CEP63: variants seen among roughly 807,000 people sequenced by gnomAD.
CEP63 encodes centrosomal protein of 63 kDa.
Under a neutral mutation model 89.1 loss-of-function variants are expected in CEP63, and 84 were observed. That is an observed-to-expected ratio of 0.94 (90% CI 0.79 to 1.13). The LOEUF (loss-of-function observed/expected upper bound fraction) is 1.13. CEP63 is among the 50% of genes most tolerant of loss of function. CEP63 has a pLI of 0.00. For missense variants in CEP63, 838 were observed against 813.3 expected (o/e 1.03, Z -0.37); for synonymous variants, 267 against 272.5 (o/e 0.98, Z 0.20).
the CEP63 span, among the ~76,000 whole-genome samples, chr3:134,756,811 G>A: frequency 6.6e-6 from 1 of 152,336 alleles, no homozygotes; most frequent in African/African-American, 2.4e-5. Context: ...ACCTGAAGAA[G>A]AGGAGACTCC....
At position 134,564,870 on chromosome 3, in the gene CEP63, A is replaced by T. The variant is rs2110235412; in HGVS notation, c.*3335A>T. On this transcript the variant is annotated 3_prime_UTR_variant, in exon 15 of 15. Coordinates refer to ENST00000675561, the MANE Select transcript of CEP63 (RefSeq NM_001353108.3). Reference sequence around the variant, plus strand: ...CACCGGAAATACTTAAGGAATCATGAGGTACTATGTATTTCCTTAAATTAT... The same window carrying T: ...CACCGGAAATACTTAAGGAATCATGTGGTACTATGTATTTCCTTAAATTAT... 2 of 985,208 alleles carry T rather than the reference A, an allele frequency of 2.0e-6. No homozygotes were observed. Among genetic ancestry groups the T allele is most frequent in the South Asian group, 4.7e-5 (1 of 21,280 alleles). The allele number at this position is 985,208 out of a possible 1,614,324, so 61.0% of individuals were successfully genotyped here.
At chr3:134,670,650 G>T in the CEP63 span, among the ~76,000 whole-genome samples, 1 of 152,214 alleles carries the variant, frequency 6.6e-6, no homozygotes, top group African/African-American at 2.4e-5. Flanking sequence ...AACTGTTACC[G>T]TAATTTTGGA....
the CEP63 span, chr3:134,619,373 G>C: frequency 1.2e-6 from 1 of 812,192 alleles, no homozygotes; most frequent in East Asian, 2.5e-5. Flanking sequence ...GGAAACTACA[G>C]TGGGCTGAAT....
At chr3:134,673,053 C>T in the CEP63 span, among the ~76,000 whole-genome samples, 8,893 of 152,198 alleles carry the variant, frequency 0.058, 811 homozygotes, top group African/African-American at 0.2. Flanking sequence ...TCCACCCCTC[C>T]GTGAAAACTC....
chr3:134,516,503 G>A (rs57509136), intron 3 of CEP63, among the ~76,000 whole-genome samples: 2,597 of 152,218 alleles, frequency 0.017, 65 homozygotes, highest in African/African-American at 0.058. Flanking sequence ...GCTGGGGGAC[G>A]GTCAGGTCTT....
chr3:134,621,721 T>C, the CEP63 span, among the ~76,000 whole-genome samples: 1 of 152,152 alleles, frequency 6.6e-6, no homozygotes, highest in Non-Finnish European at 1.5e-5. Flanking sequence ...TAAAAGGGCA[T>C]TCGTGAAAAT....
the CEP63 span, among the ~76,000 whole-genome samples, chr3:134,701,161 A>G: frequency 6.7e-6 from 1 of 150,062 alleles, no homozygotes; most frequent in Non-Finnish European, 1.5e-5. Context: ...TACATACATT[A>G]TATACATACA....
the CEP63 span, among the ~76,000 whole-genome samples, chr3:134,774,776 A>C: frequency 1.8e-4 from 27 of 152,204 alleles, no homozygotes; most frequent in African/African-American, 5.8e-4. Flanking sequence ...ACAGACAGAA[A>C]TTTGGGGCTA....
intron 11 of CEP63, among the ~76,000 whole-genome samples, chr3:134,571,354 A>T (rs561134995): frequency 1.3e-5 from 2 of 152,148 alleles, no homozygotes; most frequent in Non-Finnish European, 2.9e-5. Flanking sequence ...TGAGGAGCCT[A>T]TGGACCCCTC....
the CEP63 span, chr3:134,643,351 T>G: frequency 3.1e-6 from 5 of 1,613,858 alleles, no homozygotes; most frequent in South Asian, 5.5e-5. Context: ...CTGGGGCTGC[T>G]GAGGGTGCTG....
At chr3:134,553,159 T>C (rs1483681490) in intron 12 of CEP63, 1 of 152,206 alleles carries the variant, frequency 6.6e-6, no homozygotes, top group African/African-American at 2.4e-5. Context: ...GGTTCCAACA[T>C]GCTCCCTGTT....
At chr3:134,776,906 G>A in the CEP63 span, among the ~76,000 whole-genome samples, 369 of 152,308 alleles carry the variant, frequency 2.4e-3, 1 homozygote, top group African/African-American at 8.5e-3. Context: ...TGGGAGAGAT[G>A]GACAAACTGT....
chr3:134,697,214 A>G, the CEP63 span, among the ~76,000 whole-genome samples: 1 of 152,246 alleles, frequency 6.6e-6, no homozygotes, highest in Non-Finnish European at 1.5e-5. Context: ...AATGCCACAT[A>G]CAGTAAAACT....
At chr3:134,613,914 C>T in the CEP63 span, among the ~76,000 whole-genome samples, 1 of 152,194 alleles carries the variant, frequency 6.6e-6, no homozygotes. Flanking sequence ...ATCAAAAGAT[C>T]ACTGGCCGCA....
chr3:134,701,224 A>G, the CEP63 span, among the ~76,000 whole-genome samples: 2 of 147,308 alleles, frequency 1.4e-5, 1 homozygote, highest in Non-Finnish European at 3.0e-5. Flanking sequence ...ATGTGTGTAT[A>G]TATACGTATA....
the CEP63 span, among the ~76,000 whole-genome samples, chr3:134,611,770 C>G: frequency 6.6e-6 from 1 of 152,028 alleles, no homozygotes; most frequent in Non-Finnish European, 1.5e-5. Flanking sequence ...TGGGCCCTTC[C>G]ACAGACCAGG....
chr3:134,604,016 G>A, the CEP63 span: 24 of 1,613,968 alleles, frequency 1.5e-5, no homozygotes, highest in South Asian at 6.6e-5. Flanking sequence ...TGCTTCTCCC[G>A]GTGCAGCTGG....
intron 11 of CEP63, among the ~76,000 whole-genome samples, chr3:134,570,758 T>C (rs1957978961): frequency 6.6e-6 from 1 of 152,228 alleles, no homozygotes; most frequent in Non-Finnish European, 1.5e-5. Flanking sequence ...ATTTACTGTA[T>C]TAGTCTGTTT....
At chr3:134,711,903 C>G in the CEP63 span, among the ~76,000 whole-genome samples, 1 of 151,886 alleles carries the variant, frequency 6.6e-6, no homozygotes, top group South Asian at 2.1e-4. Flanking sequence ...GCTAGGATTA[C>G]AAGCATGTGC....
Sources: allele counts gnomAD v4.1 joint callset (sites outside exome capture counted in the v4.1 genomes callset), GRCh38; gene constraint gnomAD v4.1.1; transcripts MANE v1.5; gene names NCBI Gene and HGNC (gene_info 2026-07-23, HGNC 2026-07-21).